UBE2E3: variants seen among roughly 807,000 people sequenced by gnomAD.
UBE2E3 encodes the protein ubiquitin-conjugating enzyme E2 E3.
In UBE2E3, 5 loss-of-function variants were observed where a neutral mutation model predicts 23.6. The ratio of observed to expected loss-of-function variants is 0.21; its 90% CI spans 0.11 to 0.44. UBE2E3 has a LOEUF of 0.44. UBE2E3 is among the 20% of genes least tolerant of loss of function. UBE2E3 has a pLI of 0.99. For synonymous variants in UBE2E3, 78 were observed against 87.5 expected, an observed-to-expected ratio of 0.89 and a Z score of 0.60; for missense variants, 81 against 249.8, an observed-to-expected ratio of 0.32 and a Z score of 4.55.
chr2:181,047,854 T>C (rs139605708), intron 3 of UBE2E3, among the ~76,000 whole-genome samples: 3,040 of 152,278 alleles, frequency 0.02, 43 homozygotes, highest in Non-Finnish European at 0.032. Context: ...TTAAAATCTT[T>C]TGATAGCTGC....
chr2:181,007,106 A>G (rs1029175466), intron 3 of UBE2E3, among the ~76,000 whole-genome samples: 49 of 152,220 alleles, frequency 3.2e-4, no homozygotes, highest in African/African-American at 1.1e-3. Context: ...TTTGACCTAA[A>G]TTTAATCATT....
chr2:181,020,991 TTG>T (rs1362395661), intron 3 of UBE2E3, among the ~76,000 whole-genome samples: 52 of 152,314 alleles, frequency 3.4e-4, no homozygotes, highest in African/African-American at 1.1e-3. Context: ...GTTTCAATAT[TTG>T]TGTATGCATT....
At chr2:181,040,103 C>T (rs977547335) in intron 3 of UBE2E3, among the ~76,000 whole-genome samples, 2 of 152,094 alleles carry the variant, frequency 1.3e-5, no homozygotes, top group African/African-American at 4.8e-5. Flanking sequence ...TTTAAGTGGC[C>T]ATTTGACTGT....
intron 2 of UBE2E3, 99 bp from the exon 3 acceptor site, chr2:180,983,944 C>A: frequency 1.1e-6 from 1 of 887,082 alleles, no homozygotes; most frequent in Non-Finnish European, 1.7e-6. Flanking sequence ...GCAGAGCCAG[C>A]CTTGCATTTA....
At chr2:181,015,839 C>G (rs1685469555) in intron 3 of UBE2E3, among the ~76,000 whole-genome samples, 1 of 151,934 alleles carries the variant, frequency 6.6e-6, no homozygotes. Context: ...ATGATACCCA[C>G]AAAACTTAAG....
chr2:181,042,163 A>T (rs756414592), intron 3 of UBE2E3, among the ~76,000 whole-genome samples: 1 of 152,190 alleles, frequency 6.6e-6, no homozygotes, highest in Non-Finnish European at 1.5e-5. Flanking sequence ...CCCTATCCCC[A>T]TCAGTCATTC....
intron 3 of UBE2E3, among the ~76,000 whole-genome samples, chr2:181,003,818 T>C (rs538254638): frequency 2.0e-4 from 30 of 152,354 alleles, no homozygotes; most frequent in Admixed American, 6.5e-4. Context: ...TCAAATGCAT[T>C]ACTTGTTCAG....
chr2:180,986,492 TTCATGTCAGATCTG>T (rs1174181408), intron 3 of UBE2E3, among the ~76,000 whole-genome samples: 1 of 152,140 alleles, frequency 6.6e-6, no homozygotes, highest in African/African-American at 2.4e-5. Flanking sequence ...TATTTTTGCC[TTCATGTCAGATCTG>T]TGACAGACTG....
At chr2:180,984,213 G>A (rs1231677197) in intron 3 of UBE2E3, 120 bp downstream of exon 3, 2 of 788,168 alleles carry the variant, frequency 2.5e-6, no homozygotes, top group Non-Finnish European at 3.9e-6. Context: ...AGCTTTGCAA[G>A]TGCATTAAAC....
At chr2:181,042,492 T>C (rs929515912) in intron 3 of UBE2E3, among the ~76,000 whole-genome samples, 3 of 152,128 alleles carry the variant, frequency 2.0e-5, no homozygotes, top group East Asian at 1.9e-4. Flanking sequence ...ATAAAGAATA[T>C]TGAAAGAGGC....
chr2:180,983,546 C>G (rs1684366059), intron 2 of UBE2E3, among the ~76,000 whole-genome samples: 1 of 152,172 alleles, frequency 6.6e-6, no homozygotes, highest in African/African-American at 2.4e-5. Flanking sequence ...AAGTTTTTCA[C>G]AAGTAAAGAT....
chr2:181,021,574 C>CCTTCCTTCCTT (rs1685686416), intron 3 of UBE2E3, among the ~76,000 whole-genome samples: 3 of 36,322 alleles, frequency 8.3e-5, no homozygotes, highest in South Asian at 1.4e-3. Context: ...CTTCCTTCCT[C>CCTTCCTTCCTT]CCTCCCTCCC....
intron 3 of UBE2E3, among the ~76,000 whole-genome samples, chr2:181,038,579 CA>C (rs1164699974): frequency 6.6e-6 from 1 of 151,832 alleles, no homozygotes; most frequent in South Asian, 2.1e-4. Context: ...TCTCTTAGGA[CA>C]AAAGCAAGAA....
At chr2:180,981,007 G>A (rs1684268790) in intron 1 of UBE2E3, 34 bp downstream of exon 1, 1 of 146,358 alleles carries the variant, frequency 6.8e-6, no homozygotes, top group African/African-American at 2.5e-5. Context: ...CGCGTGGGGG[G>A]CGGCCGGGGC....
At chr2:181,002,522 A>G (rs1685019970) in intron 3 of UBE2E3, among the ~76,000 whole-genome samples, 1 of 152,198 alleles carries the variant, frequency 6.6e-6, no homozygotes, top group Non-Finnish European at 1.5e-5. Context: ...AGTGCTTTCC[A>G]ATAAAAATGT....
upstream of UBE2E3, chr2:180,980,560 A>G (rs1422436851): frequency 1.4e-5 from 2 of 147,610 alleles, no homozygotes; most frequent in East Asian, 4.0e-4. The surrounding 1 kb of genome is among the most constrained non-coding windows in gnomAD (Gnocchi z 5.5). Flanking sequence ...AGCAGCGAGC[A>G]CGCGCGTCGC....
intron 3 of UBE2E3, among the ~76,000 whole-genome samples, chr2:181,038,236 A>G (rs773754439): frequency 2.0e-5 from 3 of 152,186 alleles, no homozygotes; most frequent in Non-Finnish European, 4.4e-5. Flanking sequence ...TAGATACACA[A>G]ATCACATTGT....
intron 3 of UBE2E3, among the ~76,000 whole-genome samples, chr2:181,041,679 G>T (rs546447238): frequency 9.5e-6 from 1 of 105,670 alleles, no homozygotes; most frequent in Non-Finnish European, 1.9e-5. Flanking sequence ...CTTATGATCC[G>T]CCTGCCTCAG....
chr2:181,060,639 T>G, intron 4 of UBE2E3, 26 bp from the exon 5 acceptor site: 1 of 1,562,064 alleles, frequency 6.4e-7, no homozygotes, highest in Non-Finnish European at 8.7e-7. Flanking sequence ...TCATTTTCCT[T>G]CTGTTTTTAA....
Sources: allele counts gnomAD v4.1 joint callset (sites outside exome capture counted in the v4.1 genomes callset), GRCh38; gene constraint gnomAD v4.1.1; non-coding constraint Gnocchi (gnomAD v3.1); transcripts MANE v1.5; gene names NCBI Gene and HGNC (gene_info 2026-07-23, HGNC 2026-07-21).